PLS1: variants seen among roughly 807,000 people sequenced by gnomAD.
PLS1 encodes the protein plastin-1.
PLS1 carries 32 observed loss-of-function variants against 73.7 expected under a neutral mutation model. The ratio of observed to expected loss-of-function variants is 0.43; its 90% CI spans 0.33 to 0.58. PLS1 has a LOEUF of 0.58. Among genes scored for constraint, PLS1 ranks in the 20% least tolerant of loss-of-function variants. The pLI is 0.04. For synonymous variants in PLS1, 217 were observed against 261.3 expected (o/e 0.83, Z 1.63); for missense variants, 633 against 740.5 (o/e 0.85, Z 1.68).
chr3:142,635,214 A>G (rs189526586), intron 1 of PLS1, among the ~76,000 whole-genome samples: 4 of 152,300 alleles, frequency 2.6e-5, no homozygotes, highest in Admixed American at 1.3e-4. Context: ...AAGAGAAGAA[A>G]GGAGATAAAA....
intron 12 of PLS1, among the ~76,000 whole-genome samples, chr3:142,699,636 G>A (rs1482818592): frequency 6.6e-6 from 1 of 152,078 alleles, no homozygotes; most frequent in Non-Finnish European, 1.5e-5. Context: ...ATGGAAATGA[G>A]CAGGACACAA....
chr3:142,711,969 G>A lies in PLS1; in HGVS notation c.1852G>A (p.Ala618Thr). Residue 618 changes from alanine (A) to threonine (T), a missense_variant, in exon 16 of 16, where the codon GCA becomes ACA. Coordinates refer to ENST00000457734, the MANE Select transcript of PLS1 (RefSeq NM_001145319.2). ...ACCAAAGATGGTTATGACGGTGTTT[G>A]CATGCTTAATGGGAAAAGGACTGAA... ...VKPKMVMTVF[A>T]CLMGKGLNRI... 3 of 1,613,426 alleles carry A rather than the reference G, an allele frequency of 1.9e-6. No individual in the cohort carries two copies. The highest frequency in any genetic ancestry group is 2.5e-6 in the Non-Finnish European group (3 of 1,179,426).
intron 1 of PLS1, among the ~76,000 whole-genome samples, chr3:142,655,809 A>G (rs1435436640): frequency 6.6e-6 from 1 of 151,948 alleles, no homozygotes; most frequent in Non-Finnish European, 1.5e-5. Context: ...TTCCTGGCTT[A>G]ACACTTCATA....
chr3:142,651,247 G>T lies in PLS1; in HGVS notation c.-36-12955G>T, dbSNP rs1273104656. ...GCCCGAGGCAGGTGGATCACCTGAA[G>T]TTAGGAGTTCGAGACCAGCCTGGCC... On this transcript the variant is annotated intron_variant, in intron 1 of 15. Transcript: ENST00000457734. Among the ~76,000 whole-genome samples, 3 of 151,982 alleles carry T rather than the reference G, an allele frequency of 2.0e-5. No individual in the cohort carries two copies. In the East Asian group the frequency reaches 5.8e-4, roughly 29 times the overall value.
chr3:142,648,519 G>A (rs2037008626), intron 1 of PLS1, among the ~76,000 whole-genome samples: 1 of 152,196 alleles, frequency 6.6e-6, no homozygotes, highest in Non-Finnish European at 1.5e-5. Flanking sequence ...TTTGAAAATA[G>A]AGAATTGGGC....
At chr3:142,600,877 CATATATATATAT>C (rs1185547517) in intron 1 of PLS1, among the ~76,000 whole-genome samples, 989 of 23,510 alleles carry the variant, frequency 0.042, 38 homozygotes, top group Non-Finnish European at 0.051. Flanking sequence ...GGCCTGGTTT[CATATATATATAT>C]ATATATATAT....
intron 1 of PLS1, among the ~76,000 whole-genome samples, chr3:142,654,537 A>G (rs917179011): frequency 6.6e-6 from 1 of 151,998 alleles, no homozygotes; most frequent in African/African-American, 2.4e-5. Context: ...CTTTTTTTGT[A>G]GAGACAAAGT....
At chr3:142,624,862 G>T (rs2036388746) in intron 1 of PLS1, among the ~76,000 whole-genome samples, 1 of 152,140 alleles carries the variant, frequency 6.6e-6, no homozygotes, top group Non-Finnish European at 1.5e-5. Flanking sequence ...TATTATACCT[G>T]GAGTCCAACA....
At chr3:142,644,809 T>C (rs16852487) in intron 1 of PLS1, among the ~76,000 whole-genome samples, 2,315 of 152,316 alleles carry the variant, frequency 0.015, 58 homozygotes, top group African/African-American at 0.052. Context: ...TTGGAAAGTA[T>C]AAAATGCTTG....
rs575728334 is a variant in PLS1, at chr3:142,636,867, GAGAT to G, written c.-36-27332_-36-27329del. On this transcript the variant is annotated intron_variant, in intron 1 of 15. Transcript: ENST00000457734. ...AGAAGTGTAAATATCATACCATAGT[GAGAT>G]AGCACTATTTGAATGGCCAAAATTA... is the stretch of plus-strand genomic sequence containing the variant. 6.4e-3 allele frequency among the ~76,000 whole-genome samples: 979 copies of G among 152,278 alleles called. 13 individuals carry two copies. Among genetic ancestry groups the G allele is most frequent in the African/African-American group, 0.023 (940 of 41,554 alleles).
At chr3:142,641,196 CTATAT>C (rs1365301264) in intron 1 of PLS1, among the ~76,000 whole-genome samples, 7 of 142,042 alleles carry the variant, frequency 4.9e-5, no homozygotes, top group Non-Finnish European at 7.6e-5. Flanking sequence ...TATAATCTGT[CTATAT>C]TATATCTATA....
rs145701819 is a variant in PLS1, at chr3:142,600,596, T to C, written c.-37+4087T>C. Among the ~76,000 whole-genome samples, 474 of 152,158 alleles carry C rather than the reference T, an allele frequency of 3.1e-3. 1 individual carries two copies. The highest frequency in any genetic ancestry group is 0.01 in the African/African-American group (429 of 41,512). ...CCAGTTCAAGAGGTGGTTTGGAATA[T>C]TTGTTTACTTGGAACAGATGTTGCA... On this transcript the variant is annotated intron_variant, in intron 1 of 15. Coordinates refer to ENST00000457734, the MANE Select transcript of PLS1 (RefSeq NM_001145319.2).
At chr3:142,683,873 T>G in intron 6 of PLS1, 133 bp from the exon 7 acceptor site, 3 of 598,968 alleles carry the variant, frequency 5.0e-6, no homozygotes, top group African/African-American at 1.9e-5. Context: ...TTTTGAGTAG[T>G]GGTATTTTCG....
At chr3:142,629,914 A>G (rs189967844) in intron 1 of PLS1, among the ~76,000 whole-genome samples, 14 of 152,274 alleles carry the variant, frequency 9.2e-5, no homozygotes, top group African/African-American at 3.4e-4. Flanking sequence ...AAAGTAAAAA[A>G]TGTCTCCAGA....
At chr3:142,623,020 G>A (rs2036345804) in intron 1 of PLS1, among the ~76,000 whole-genome samples, 1 of 152,100 alleles carries the variant, frequency 6.6e-6, no homozygotes, top group Non-Finnish European at 1.5e-5. Flanking sequence ...ATTCACAGGA[G>A]TTATCATAGC....
intron 1 of PLS1, among the ~76,000 whole-genome samples, chr3:142,663,349 G>C (rs1235640274): frequency 6.6e-6 from 1 of 152,210 alleles, no homozygotes; most frequent in Non-Finnish European, 1.5e-5. Context: ...ATTTTCTGCA[G>C]TGAACACACA....
In PLS1 at chr3:142,676,229, T is replaced by C. The variant is rs370107380; in HGVS notation, c.437T>C (p.Ile146Thr). ...AATGACCCTGACTGTAAGCATCTTATACCCATGAATCCCAATGATGATAGT... is the reference window on the plus strand; with the variant it reads ...AATGACCCTGACTGTAAGCATCTTACACCCATGAATCCCAATGATGATAGT... Reference protein sequence around the residue: ...LENDPDCKHLIPMNPNDDSLF... With the variant: ...LENDPDCKHLTPMNPNDDSLF... The change falls in exon 5 of 16, where the codon ATA becomes ACA. Residue 146 changes from isoleucine (I) to threonine (T), a missense_variant. Physicochemically the swap from Ile to Thr is moderately conservative, Grantham distance 89. Transcript: ENST00000457734. 3.7e-6 allele frequency: 6 copies of C among 1,613,086 alleles called. No homozygotes were observed. The African/African-American group carries it at 5.3e-5, about 14-fold the overall frequency.
intron 1 of PLS1, chr3:142,645,185 T>A: frequency 6.6e-6 from 1 of 152,236 alleles, no homozygotes; most frequent in Admixed American, 6.5e-5. Context: ...TATTTTTCAG[T>A]ACCTTTTCAA....
At chr3:142,644,252 GTTTTTTGTTT>G (rs1354585937) in intron 1 of PLS1, among the ~76,000 whole-genome samples, 1 of 150,678 alleles carries the variant, frequency 6.6e-6, no homozygotes, top group African/African-American at 2.4e-5. Context: ...TAGGTTTTTT[GTTTTTTGTTT>G]TTTTTTGAGA....
Sources: allele counts gnomAD v4.1 joint callset (sites outside exome capture counted in the v4.1 genomes callset), GRCh38; gene constraint gnomAD v4.1.1; transcripts MANE v1.5; gene names NCBI Gene and HGNC (gene_info 2026-07-23, HGNC 2026-07-21).